Variants in SLC28A2 observed in about 807,000 individuals in gnomAD.
SLC28A2 encodes solute carrier family 28 member 2, also known as sodium/nucleoside cotransporter 2.
Under a neutral mutation model 72.9 loss-of-function variants are expected in SLC28A2, and 69 were observed. That is an observed-to-expected ratio of 0.95 (90% CI 0.78 to 1.16). The LOEUF is 1.16. SLC28A2 is among the 50% of genes most tolerant of loss of function. The pLI is 0.00. For synonymous variants in SLC28A2, 296 were observed against 294.1 expected (o/e 1.01, Z -0.07); for missense variants, 745 against 791.1 (o/e 0.94, Z 0.70).
intron 6 of SLC28A2, among the ~76,000 whole-genome samples, chr15:45,264,329 T>G (rs1291070766): frequency 6.6e-6 from 1 of 152,210 alleles, no homozygotes; most frequent in Non-Finnish European, 1.5e-5. Context: ...AAAAATAGAA[T>G]ACAGTAGAAA....
chr15:45,265,432 C>T lies in SLC28A2; in HGVS notation c.781-151C>T, dbSNP rs1053606790. 167 of 669,454 alleles carry T rather than the reference C, an allele frequency of 2.5e-4. 1 individual carries two copies. The highest frequency in any genetic ancestry group is 1.2e-3 in the Middle Eastern group (4 of 3,264). The allele number at this position is 669,454 out of a possible 1,614,324, so 41.5% of individuals were successfully genotyped here. On this transcript the variant is annotated intron_variant, in intron 8 of 17. Transcript: ENST00000347644. ...TACTGGTGGGACAATGGGTTTAATA[C>T]ATTTTAAATGTATCCCTAAACTAGT...
Position 45,264,818 on chromosome 15 carries a change from A to G in SLC28A2, c.702+50A>G, listed in dbSNP as rs1483824401. 3 of 1,127,060 alleles carry G rather than the reference A, an allele frequency of 2.7e-6. No individual in the cohort carries two copies. In the African/African-American group the frequency reaches 4.6e-5, roughly 17 times the overall value. The allele number at this position is 1,127,060 out of a possible 1,614,324, so 69.8% of individuals were successfully genotyped here. A position where few individuals can be genotyped will look rare whatever the true frequency, so the allele number is the denominator to read the frequency against. ...TTTTCTCTTTTAGAACCCTAGAGAA[A>G]GGAGATTTGAGAGGAGCATGAGAAG... On this transcript the variant is annotated intron_variant, in intron 7 of 17. Coordinates refer to ENST00000347644, the MANE Select transcript of SLC28A2 (RefSeq NM_004212.4).
Position 45,264,702 on chromosome 15 carries a change from T to G in SLC28A2, c.636T>G (p.Phe212Leu). 1 of 1,614,050 alleles carries G rather than the reference T, an allele frequency of 6.2e-7. No homozygotes were observed. The highest frequency in any genetic ancestry group is 8.5e-7 in the Non-Finnish European group (1 of 1,179,888). ...CGGGCCTAGGTCTTCAATTTGTCTTTGGGATCTTGGTCATCAGAACTGATC... is the reference window on the plus strand; with the variant it reads ...CGGGCCTAGGTCTTCAATTTGTCTTGGGGATCTTGGTCATCAGAACTGATC... ...VFSGLGLQFVFGILVIRTDLG... is the reference protein window; with the variant it reads ...VFSGLGLQFVLGILVIRTDLG... The change falls in exon 7 of 18, where the codon TTT (phenylalanine) becomes TTG (leucine). Residue 212 changes from phenylalanine (F) to leucine (L), a missense_variant. Coordinates refer to ENST00000347644, the MANE Select transcript of SLC28A2 (RefSeq NM_004212.4).
rs1240531557 is a variant in SLC28A2, at chr15:45,265,161, T to C, written c.775T>C (p.Phe259Leu). The change falls in exon 8 of 18, where the codon TTT (phenylalanine) becomes CTT (leucine). Residue 259 changes from phenylalanine (F) to leucine (L), a missense_variant. Physicochemically the swap from Phe to Leu is conservative, Grantham distance 22 (BLOSUM62 0). Transcript: ENST00000347644. ...GDTLVKDVFA[F>L]QALPIIIFFG... is the part of the protein sequence containing the mutation. The stretch of plus-strand genomic sequence containing the variant: ...TACACTGGTCAAGGATGTCTTTGCT[T>C]TTCAGGTGATACCTATTTTATGGGC... 1 of 1,594,916 alleles carries C rather than the reference T, an allele frequency of 6.3e-7. No individual in the cohort carries two copies. Among genetic ancestry groups the C allele is most frequent in the African/African-American group, 1.3e-5 (1 of 74,516 alleles).
intron 14 of SLC28A2, 75 bp downstream of exon 14, chr15:45,269,610 A>G: frequency 7.3e-7 from 1 of 1,366,608 alleles, no homozygotes; most frequent in Non-Finnish European, 1.0e-6. Context: ...AGAAAGTGCC[A>G]AACAGGTTTG....
At chr15:45,269,647 G>A (rs536384559) in intron 14 of SLC28A2, 112 bp downstream of exon 14, 31 of 874,440 alleles carry the variant, frequency 3.5e-5, no homozygotes, top group Non-Finnish European at 5.5e-5. Context: ...GCCTTTCTGG[G>A]GTCGCAGGCC....
rs1285282076 is a variant in SLC28A2, at chr15:45,272,780, C to T, written c.1855C>T (p.Gln619Ter). The T allele has an allele frequency of 6.5e-7, 1 of 1,543,290 alleles. No homozygotes were observed. Among genetic ancestry groups the T allele is most frequent in the South Asian group, 1.1e-5 (1 of 89,676 alleles). Residue 619 changes from glutamine (Q) to a stop codon, truncating the protein, a stop_gained, in exon 17 of 18, where the codon CAG becomes TAG. Transcript: ENST00000347644. LOFTEE classifies it high-confidence loss of function. Reference sequence around the variant, plus strand: ...CTACATGTGCTGCAGAGGGCTCTTTCAGAGGTGAGCACCAGGACCCCATTC... The same window carrying T: ...CTACATGTGCTGCAGAGGGCTCTTTTAGAGGTGAGCACCAGGACCCCATTC... The part of the protein sequence containing the change: ...ETYMCCRGLF[Q>*]STSLNGTNPP...
chr15:45,265,266 A>G, intron 8 of SLC28A2, 100 bp downstream of exon 8: 1 of 838,748 alleles, frequency 1.2e-6, no homozygotes, highest in South Asian at 1.4e-5. Context: ...GCCCCTGTAT[A>G]CCAATTTGAC....
chr15:45,267,850 G>C (rs977756454), intron 12 of SLC28A2, 54 bp downstream of exon 12: 2 of 1,598,500 alleles, frequency 1.3e-6, no homozygotes, highest in African/African-American at 2.7e-5. Context: ...GTTAAGAGTG[G>C]CACTGTGGTG....
Position 45,253,533 on chromosome 15 carries a change from T to G in SLC28A2, c.170+13T>G, listed in dbSNP as rs778370303. 6.3e-7 allele frequency: 1 copy of G among 1,589,268 alleles called. No individual in the cohort carries two copies. The highest frequency in any genetic ancestry group is 1.1e-5 in the South Asian group (1 of 90,182). On this transcript the variant is annotated intron_variant, in intron 3 of 17. Coordinates refer to ENST00000347644, the MANE Select transcript of SLC28A2 (RefSeq NM_004212.4). ...CCACTTACCAGAGGTACTGGTGTTTTGGAATCTTGTTCAGTTAGGAAAGGA... is the reference window on the plus strand; with the variant it reads ...CCACTTACCAGAGGTACTGGTGTTTGGGAATCTTGTTCAGTTAGGAAAGGA...
In SLC28A2 at chr15:45,268,243, C is replaced by T. The variant is rs762075328; in HGVS notation, c.1233C>T (p.Asn411=). The T allele has an allele frequency of 4.2e-5, 68 of 1,609,028 alleles. No homozygotes were observed. Among genetic ancestry groups the T allele is most frequent in the South Asian group, 3.4e-4 (31 of 90,956 alleles). Residue 411 remains asparagine, a synonymous_variant, in exon 13 of 18, where the codon AAC becomes AAT. Coordinates refer to ENST00000347644, the MANE Select transcript of SLC28A2 (RefSeq NM_004212.4). ...GGAATGTCCTGGAAGCTGCCAGCAACGGAGCCGTAGATGCCATAGGCCTTG... is the reference window on the plus strand; with the variant it reads ...GGAATGTCCTGGAAGCTGCCAGCAATGGAGCCGTAGATGCCATAGGCCTTG... The part of the protein sequence containing the change: ...KERNVLEAAS[N]GAVDAIGLAT...
At chr15:45,274,511 A>G (rs1312813320) in intron 17 of SLC28A2, among the ~76,000 whole-genome samples, 1 of 152,036 alleles carries the variant, frequency 6.6e-6, no homozygotes, top group East Asian at 1.9e-4. Flanking sequence ...AAACAAACAA[A>G]CAAACAAATA....
chr15:45,266,466 T>C (rs1900340310), intron 10 of SLC28A2, among the ~76,000 whole-genome samples: 1 of 152,188 alleles, frequency 6.6e-6, no homozygotes, highest in Non-Finnish European at 1.5e-5. Context: ...TCGGAGGCTA[T>C]GAAGGGTGTT....
At chr15:45,254,916 T>A (rs11629858) in intron 3 of SLC28A2, among the ~76,000 whole-genome samples, 6 of 151,776 alleles carry the variant, frequency 4.0e-5, no homozygotes, top group Non-Finnish European at 7.4e-5. Context: ...GTGAGTCACA[T>A]TGCTTGTGTC....
At position 45,275,657 on chromosome 15, in the gene SLC28A2, C is replaced by A; in HGVS notation, c.*144C>A. 1 of 656,672 alleles carries A rather than the reference C, an allele frequency of 1.5e-6. No homozygotes were observed. Among genetic ancestry groups the A allele is most frequent in the East Asian group, 2.6e-5 (1 of 38,108 alleles). The allele number at this position is 656,672 out of a possible 1,614,324, so 40.7% of individuals were successfully genotyped here. Reference sequence around the variant, plus strand: ...TAAATGTAAAAGATTCATTTTGGGCCGGGCTCAGTGGCTCATGCCTGTAAT... The same window carrying A: ...TAAATGTAAAAGATTCATTTTGGGCAGGGCTCAGTGGCTCATGCCTGTAAT... On this transcript the variant is annotated 3_prime_UTR_variant, in exon 18 of 18. Coordinates refer to ENST00000347644, the MANE Select transcript of SLC28A2 (RefSeq NM_004212.4).
At chr15:45,263,524 C>T (rs917289561) in intron 5 of SLC28A2, among the ~76,000 whole-genome samples, 2 of 152,166 alleles carry the variant, frequency 1.3e-5, no homozygotes, top group African/African-American at 4.8e-5. Context: ...AAAAATCATA[C>T]TCCTCTTCAG....
chr15:45,272,440 G>T, intron 16 of SLC28A2, 47 bp downstream of exon 16: 1 of 1,416,750 alleles, frequency 7.1e-7, no homozygotes. Context: ...GAGGGTGATG[G>T]TTGGAGGAAT....
At chr15:45,265,734 C>A in intron 9 of SLC28A2, 71 bp downstream of exon 9, 1 of 1,041,762 alleles carries the variant, frequency 9.6e-7, no homozygotes, top group Non-Finnish European at 1.5e-6. Flanking sequence ...GGAAAAATGC[C>A]CATAGCTAAG....
intron 17 of SLC28A2, among the ~76,000 whole-genome samples, chr15:45,274,946 T>C (rs1159636324): frequency 6.6e-6 from 1 of 152,150 alleles, no homozygotes. Context: ...CTGATTCTTA[T>C]GTTCTTGTGG....
Sources: gnomAD v4.1 joint callset for allele counts (sites outside exome capture counted in the v4.1 genomes callset) on GRCh38, gnomAD v4.1.1 for gene constraint, MANE v1.5 for transcripts, NCBI Gene and HGNC (gene_info 2026-07-23, HGNC 2026-07-21) for gene names.